NR3C2: variants seen among roughly 807,000 people sequenced by gnomAD.
The protein encoded by NR3C2 is mineralocorticoid receptor.
Under a neutral mutation model 86.4 loss-of-function variants are expected in NR3C2, and 15 were observed. The ratio of observed to expected loss-of-function variants is 0.17; its 90% CI spans 0.12 to 0.27. The LOEUF is 0.27. Among genes scored for constraint, NR3C2 ranks in the 10% least tolerant of loss-of-function variants. The pLI is 1.00. For synonymous variants in NR3C2, 458 were observed against 450.5 expected (o/e 1.02, Z -0.21); for missense variants, 960 against 1,195.6 (o/e 0.80, Z 2.91).
intron 2 of NR3C2, among the ~76,000 whole-genome samples, chr4:148,280,567 G>A (rs939619095): frequency 1.3e-5 from 2 of 152,096 alleles, no homozygotes; most frequent in African/African-American, 4.8e-5. Context: ...GGTATAATCA[G>A]GGCTCACAGC....
In NR3C2 at chr4:148,242,145, A is replaced by G. The variant is rs140540970; in HGVS notation, c.1897+17833T>C. ...ATGGTGGTGATATGGTTGCATAACA[A>G]TGTGAATGTCTTAATGCTGCTGAAC... On this transcript the variant is annotated intron_variant, in intron 3 of 8. Coordinates refer to ENST00000358102, the MANE Select transcript of NR3C2 (RefSeq NM_000901.5). Among the ~76,000 whole-genome samples, 287 of 152,308 alleles carry G rather than the reference A, an allele frequency of 1.9e-3. 3 individuals carry two copies. The highest frequency in any genetic ancestry group is 6.4e-3 in the African/African-American group (268 of 41,572).
intron 8 of NR3C2, among the ~76,000 whole-genome samples, chr4:148,084,479 C>T (rs1388317551): frequency 6.6e-6 from 1 of 152,198 alleles, no homozygotes; most frequent in Non-Finnish European, 1.5e-5. Flanking sequence ...GAGATTCTAT[C>T]ACCACCAGGC....
At chr4:148,398,830 G>T (rs1747991649) in intron 2 of NR3C2, among the ~76,000 whole-genome samples, 1 of 152,150 alleles carries the variant, frequency 6.6e-6, no homozygotes, top group Non-Finnish European at 1.5e-5. Context: ...AAGTACCCTG[G>T]GTAGTGAGAT....
chr4:148,309,228 T>C (rs1742789804), intron 2 of NR3C2, among the ~76,000 whole-genome samples: 1 of 152,186 alleles, frequency 6.6e-6, no homozygotes, highest in South Asian at 2.1e-4. Flanking sequence ...AACTACTGTG[T>C]GCTGGAAAAA....
chr4:148,241,789 T>C (rs1366053910), intron 3 of NR3C2, among the ~76,000 whole-genome samples: 2 of 152,192 alleles, frequency 1.3e-5, no homozygotes. Flanking sequence ...CAGGAGATAT[T>C]CAACAAATAT....
chr4:148,284,798 G>A (rs770562405), intron 2 of NR3C2, among the ~76,000 whole-genome samples: 10 of 152,184 alleles, frequency 6.6e-5, no homozygotes, highest in East Asian at 1.9e-4. Flanking sequence ...AAAGAGAGAC[G>A]AAGGAAATTA....
chr4:148,179,719 A>G (rs2149790572), intron 4 of NR3C2, among the ~76,000 whole-genome samples: 1 of 151,970 alleles, frequency 6.6e-6, no homozygotes, highest in Admixed American at 6.5e-5. Flanking sequence ...TTTAAAAGAA[A>G]AAAAGTCTTT....
At chr4:148,158,917 A>G (rs1156853690) in intron 4 of NR3C2, among the ~76,000 whole-genome samples, 1 of 152,192 alleles carries the variant, frequency 6.6e-6, no homozygotes, top group Non-Finnish European at 1.5e-5. Flanking sequence ...GGACACTTGG[A>G]ATTGAGTAAT....
chr4:148,138,789 T>G (rs1733471905), intron 6 of NR3C2, among the ~76,000 whole-genome samples: 1 of 152,238 alleles, frequency 6.6e-6, no homozygotes, highest in African/African-American at 2.4e-5. Flanking sequence ...TAATCCCAAA[T>G]GCAACAGTGT....
At position 148,435,687 on chromosome 4, in the gene NR3C2, G is replaced by C; in HGVS notation, c.1174C>G (p.Leu392Val). The C allele has an allele frequency of 6.2e-7, 1 of 1,614,156 alleles. No homozygotes were observed. Among genetic ancestry groups the C allele is most frequent in the Non-Finnish European group, 8.5e-7 (1 of 1,180,044 alleles). ...SAISNGVTGQ[L>V]NIVQYIKPEP... ...GGTTTTATGTACTGGACAATATTAA[G>C]CTGGCCAGTCACACCATTTGAGATG... is the stretch of plus-strand genomic sequence containing the variant. Residue 392 changes from leucine (L) to valine (V), a missense_variant, in exon 2 of 9, where the codon CTT (leucine) becomes GTT (valine). Physicochemically the swap from Leu to Val is conservative, Grantham distance 32. Coordinates refer to ENST00000358102, the MANE Select transcript of NR3C2 (RefSeq NM_000901.5).
At chr4:148,216,690 T>C (rs1366773712) in intron 3 of NR3C2, among the ~76,000 whole-genome samples, 1 of 152,232 alleles carries the variant, frequency 6.6e-6, no homozygotes, top group Admixed American at 6.5e-5. Context: ...AAAAAAGACA[T>C]TTCCCACAAA....
chr4:148,106,923 G>C (rs1221901738), intron 8 of NR3C2, among the ~76,000 whole-genome samples: 1 of 152,136 alleles, frequency 6.6e-6, no homozygotes, highest in African/African-American at 2.4e-5. Flanking sequence ...GAAAACCTAG[G>C]CAATACCTTG....
At chr4:148,098,079 G>A (rs1164651361) in intron 8 of NR3C2, among the ~76,000 whole-genome samples, 1 of 152,042 alleles carries the variant, frequency 6.6e-6, no homozygotes. Flanking sequence ...TGGATTTGAG[G>A]TTTCCTCCCA....
At chr4:148,094,087 A>ATCCTTC (rs1453994551) in intron 8 of NR3C2, among the ~76,000 whole-genome samples, 9 of 152,224 alleles carry the variant, frequency 5.9e-5, no homozygotes, top group Non-Finnish European at 1.0e-4. Context: ...ATACAAGAAG[A>ATCCTTC]GATGCTTGAC....
chr4:148,231,833 T>G (rs1379653319), intron 3 of NR3C2, among the ~76,000 whole-genome samples: 1 of 152,226 alleles, frequency 6.6e-6, no homozygotes, highest in African/African-American at 2.4e-5. Context: ...AATCCTCTGT[T>G]GTCATTTCAA....
intron 8 of NR3C2, among the ~76,000 whole-genome samples, chr4:148,092,194 G>C (rs925015780): frequency 8.5e-5 from 13 of 152,142 alleles, no homozygotes. Flanking sequence ...CCTTCCTGGG[G>C]CCCAGCCTGA....
At chr4:148,309,071 G>A (rs1742781684) in intron 2 of NR3C2, among the ~76,000 whole-genome samples, 3 of 152,016 alleles carry the variant, frequency 2.0e-5, no homozygotes, top group Non-Finnish European at 4.4e-5. Context: ...TGAGATGATG[G>A]ATATAATTAC....
chr4:148,239,066 G>A (rs553993230), intron 3 of NR3C2, among the ~76,000 whole-genome samples: 39 of 152,332 alleles, frequency 2.6e-4, no homozygotes, highest in Admixed American at 9.1e-4. Context: ...AATAGACGTA[G>A]AGGCATGAGT....
rs17024706 is a variant in NR3C2 at position 148,419,340 on chromosome 4, G to A, written c.1757+15764C>T. On this transcript the variant is annotated intron_variant, in intron 2 of 8. Coordinates refer to ENST00000358102, the MANE Select transcript of NR3C2 (RefSeq NM_000901.5). Reference sequence around the variant, plus strand: ...CTCATGGGTTCATGAAATGGTTGGCGAAGGAAGGGCCCACGAATCTTCTGA... The same window carrying A: ...CTCATGGGTTCATGAAATGGTTGGCAAAGGAAGGGCCCACGAATCTTCTGA... Among the ~76,000 whole-genome samples, 951 of 152,268 alleles carry A rather than the reference G, an allele frequency of 6.2e-3. 5 individuals carry two copies. Among genetic ancestry groups the A allele is most frequent in the Non-Finnish European group, 0.011 (758 of 68,002 alleles).
Sources: allele counts gnomAD v4.1 joint callset (sites outside exome capture counted in the v4.1 genomes callset), GRCh38; gene constraint gnomAD v4.1.1; transcripts MANE v1.5; gene names NCBI Gene and HGNC (gene_info 2026-07-23, HGNC 2026-07-21).